KY: variants seen among roughly 807,000 people sequenced by gnomAD.
KY encodes kyphoscoliosis peptidase.
A neutral mutation model predicts 76.1 loss-of-function variants in KY; 43 were observed. The observed-to-expected ratio is 0.57, with a 90% CI of 0.44 to 0.73. KY has a LOEUF of 0.73. KY is among the 30% of genes least tolerant of loss of function. The probability of loss-of-function intolerance (pLI) is 0.00; values close to 1 mark genes in which losing one functional copy is unlikely to be tolerated. For synonymous variants in KY, 277 were observed against 326.2 expected (o/e 0.85, Z 1.63); for missense variants, 722 against 828.9 (o/e 0.87, Z 1.58).
At chr3:134,607,591 A>T (rs1483507818) in intron 10 of KY, 2 of 985,444 alleles carry the variant, frequency 2.0e-6, no homozygotes, top group Admixed American at 6.1e-5. Flanking sequence ...TGTGCCCAGC[A>T]CTGGATCAGG....
intron 5 of KY, 99 bp from the exon 6 acceptor site, chr3:134,625,234 C>A: frequency 1.1e-6 from 1 of 880,260 alleles, no homozygotes; most frequent in Non-Finnish European, 1.8e-6. Flanking sequence ...GACTGTCCAA[C>A]CTTTAACACA....
At chr3:134,610,504 CT>C in intron 8 of KY, 121 bp from the exon 9 acceptor site, 1 of 833,236 alleles carries the variant, frequency 1.2e-6, no homozygotes, top group Admixed American at 2.7e-5. Flanking sequence ...TATCCTTTTC[CT>C]TGCTTCTTGT....
chr3:134,607,713 A>T (rs917353619), intron 10 of KY: 1 of 985,730 alleles, frequency 1.0e-6, no homozygotes, highest in African/African-American at 1.7e-5. Context: ...GTGTGCAAAC[A>T]TACTCAGCTG....
intron 8 of KY, among the ~76,000 whole-genome samples, chr3:134,614,797 G>T (rs1560109321): frequency 6.6e-6 from 1 of 152,136 alleles, no homozygotes; most frequent in South Asian, 2.1e-4. Flanking sequence ...TCAGTACCAA[G>T]GCCAGGCCCC....
chr3:134,612,323 G>A (rs1294383904), intron 8 of KY, among the ~76,000 whole-genome samples: 3 of 152,190 alleles, frequency 2.0e-5, no homozygotes, highest in African/African-American at 4.8e-5. Flanking sequence ...AAGGCCATAA[G>A]CCACTCCAGG....
intron 10 of KY, chr3:134,608,193 G>C (rs1349316040): frequency 8.5e-7 from 1 of 1,176,700 alleles, no homozygotes; most frequent in Admixed American, 3.7e-5. Context: ...TTGGGGAAGA[G>C]AACACAGCAG....
chr3:134,622,552 G>A (rs575000739), intron 6 of KY, among the ~76,000 whole-genome samples: 1 of 152,148 alleles, frequency 6.6e-6, no homozygotes. Context: ...CCAGGGGCTG[G>A]GGGAGGAGAA....
chr3:134,605,146 G>A (rs1480753184), intron 10 of KY, among the ~76,000 whole-genome samples: 1 of 151,974 alleles, frequency 6.6e-6, no homozygotes, highest in Non-Finnish European at 1.5e-5. Context: ...CCCTTGCTCT[G>A]AAGTTTCATC....
chr3:134,609,820 G>T (rs1960031641), intron 9 of KY, among the ~76,000 whole-genome samples: 1 of 152,204 alleles, frequency 6.6e-6, no homozygotes, highest in Admixed American at 6.5e-5. Flanking sequence ...GATCATTCTG[G>T]CATTTGTGCC....
chr3:134,638,367 C>G (rs1965267388), intron 3 of KY, among the ~76,000 whole-genome samples: 1 of 152,174 alleles, frequency 6.6e-6, no homozygotes, highest in Non-Finnish European at 1.5e-5. Context: ...AATTCGCAGT[C>G]AGATCTAAAC....
At chr3:134,615,389 T>C (rs866892138) in intron 8 of KY, 8 of 147,330 alleles carry the variant, frequency 5.4e-5, no homozygotes, top group East Asian at 2.1e-4. Context: ...AAAACATCTA[T>C]TGGGAAAATG....
At chr3:134,647,002 A>G (rs540719644) in intron 2 of KY, among the ~76,000 whole-genome samples, 1 of 152,332 alleles carries the variant, frequency 6.6e-6, no homozygotes, top group Admixed American at 6.5e-5. Context: ...GTCCCAGGCC[A>G]GCAGGGAGCT....
intron 8 of KY, among the ~76,000 whole-genome samples, chr3:134,611,092 A>G (rs929738772): frequency 2.0e-5 from 3 of 152,118 alleles, no homozygotes; most frequent in Admixed American, 6.5e-5. Flanking sequence ...ATGGTGCATT[A>G]AGGTCATTTG....
rs761380350 is a variant in KY, at chr3:134,604,325, G to C, written c.1240C>G (p.Leu414Val). 3.7e-6 allele frequency: 6 copies of C among 1,613,892 alleles called. No homozygotes were observed. The African/African-American group carries it at 8.0e-5, about 22-fold the overall frequency. ...GAGTTGCCCTTGGCAAAGATCTGCA[G>C]CTTGTGAGTGCCCATGGTTGGAGGG... Reference protein sequence around the residue: ...VYPPTMGTHKLQIFAKGNSDI... With the variant: ...VYPPTMGTHKVQIFAKGNSDI... Residue 414 changes from leucine (L) to valine (V), a missense_variant, in exon 11 of 11, where the codon CTG becomes GTG. Around this residue, in one of 2 missense-constraint regions of KY, gnomAD observed 552 missense variants for 680.9 expected, o/e 0.81. Coordinates refer to ENST00000423778, the MANE Select transcript of KY (RefSeq NM_178554.6).
chr3:134,619,062 TG>T, intron 8 of KY, 85 bp downstream of exon 8: 4 of 1,114,828 alleles, frequency 3.6e-6, no homozygotes, highest in Non-Finnish European at 4.1e-6. Flanking sequence ...GTTTCAGGCC[TG>T]GCATGTGGGC....
Position 134,627,018 on chromosome 3 carries a change from C to T in KY, c.400+738G>A, listed in dbSNP as rs553947580. Among the ~76,000 whole-genome samples, 9 of 152,290 alleles carry T rather than the reference C, an allele frequency of 5.9e-5. No homozygotes were observed. The South Asian group carries it at 1.7e-3, about 28-fold the overall frequency. On this transcript the variant is annotated intron_variant, in intron 5 of 10. Coordinates refer to ENST00000423778, the MANE Select transcript of KY (RefSeq NM_178554.6). ...AGTATAGCTCTGCAAATGAGGTCTC[C>T]CTGCACTCCTATTTAGAATAAAGGT...
intron 8 of KY, among the ~76,000 whole-genome samples, chr3:134,616,206 C>G (rs1961537615): frequency 1.3e-5 from 2 of 152,206 alleles, no homozygotes; most frequent in Non-Finnish European, 2.9e-5. Flanking sequence ...CCAGCAGTTA[C>G]AAGCTATAGC....
At chr3:134,606,232 A>G (rs1016427789) in intron 10 of KY, among the ~76,000 whole-genome samples, 4 of 151,974 alleles carry the variant, frequency 2.6e-5, no homozygotes, top group African/African-American at 9.7e-5. Flanking sequence ...TTGATTGTGG[A>G]GCACCACCCA....
chr3:134,607,690 C>T (rs1038804916), intron 10 of KY: 10 of 985,626 alleles, frequency 1.0e-5, no homozygotes, highest in African/African-American at 7.0e-5. Context: ...GGGCAGCCCC[C>T]GTATGCCTCA....
Sources: gnomAD v4.1 joint callset for allele counts (sites outside exome capture counted in the v4.1 genomes callset) on GRCh38, gnomAD v4.1.1 for gene constraint, gnomAD v4.1.1 regional missense constraint, MANE v1.5 for transcripts, NCBI Gene and HGNC (gene_info 2026-07-23, HGNC 2026-07-21) for gene names.